The following MAP4 variants were observed in gnomAD, a reference collection of about 807,000 sequenced individuals.
MAP4 encodes microtubule associated protein 4.
MAP4 carries 76 observed loss-of-function variants against 170.2 expected under a neutral mutation model. That is an observed-to-expected ratio of 0.45 (90% CI 0.37 to 0.54). MAP4 has a LOEUF of 0.54. MAP4 is among the 20% of genes least tolerant of loss of function. The probability of loss-of-function intolerance (pLI) is 0.00; values close to 1 mark genes in which losing one functional copy is unlikely to be tolerated. For missense variants in MAP4, 2,506 were observed against 2,748.0 expected, an observed-to-expected ratio of 0.91 and a Z score of 1.97; for synonymous variants, 909 against 994.5, an observed-to-expected ratio of 0.91 and a Z score of 1.62.
intron 1 of MAP4, among the ~76,000 whole-genome samples, chr3:48,024,029 G>A (rs1043160839): frequency 6.6e-6 from 1 of 152,140 alleles, no homozygotes; most frequent in Non-Finnish European, 1.5e-5. Flanking sequence ...ATCAAAAAAT[G>A]GGCCAGGTGC....
chr3:47,974,297 C>T, intron 3 of MAP4: 2 of 316,150 alleles, frequency 6.3e-6, no homozygotes, highest in Non-Finnish European at 9.2e-6. Flanking sequence ...TGGTGGCGCA[C>T]ACCTATAATC....
intron 1 of MAP4, among the ~76,000 whole-genome samples, chr3:48,072,301 C>T (rs887601402): frequency 3.9e-5 from 6 of 151,992 alleles, no homozygotes; most frequent in African/African-American, 9.7e-5. Flanking sequence ...TGAGGTCAGG[C>T]ATTCACAAGA....
intron 1 of MAP4, among the ~76,000 whole-genome samples, chr3:48,063,878 T>G (rs2154560514): frequency 6.6e-6 from 1 of 152,240 alleles, no homozygotes; most frequent in East Asian, 1.9e-4. Context: ...GTACAGGGGA[T>G]TTTTAGGGCA....
intron 1 of MAP4, among the ~76,000 whole-genome samples, chr3:48,002,247 G>A (rs4858810): frequency 0.74 from 106,697 of 144,660 alleles, 39,280 homozygotes; most frequent in African/African-American, 0.85. Context: ...GTCTCAAAAA[G>A]AAAAAAAAAA....
chr3:48,045,205 C>T (rs575717362), intron 1 of MAP4, among the ~76,000 whole-genome samples: 1 of 149,590 alleles, frequency 6.7e-6, no homozygotes, highest in East Asian at 1.9e-4. Flanking sequence ...TTGCAGTGAG[C>T]CGAGATCGCA....
intron 1 of MAP4, among the ~76,000 whole-genome samples, chr3:48,043,016 G>A (rs966871601): frequency 1.3e-5 from 2 of 152,114 alleles, no homozygotes; most frequent in Admixed American, 6.5e-5. Context: ...TTTCTTTTGG[G>A]GGTCATGAAA....
At chr3:47,919,076 C>G (rs1351580016) in intron 5 of MAP4, among the ~76,000 whole-genome samples, 1 of 151,566 alleles carries the variant, frequency 6.6e-6, no homozygotes, top group African/African-American at 2.4e-5. Flanking sequence ...GGACTACAGG[C>G]GCCTGCCACA....
intron 3 of MAP4, among the ~76,000 whole-genome samples, chr3:47,948,014 T>G (rs77158451): frequency 6.6e-6 from 1 of 151,474 alleles, no homozygotes; most frequent in Non-Finnish European, 1.5e-5. Context: ...TTTTTTTTTT[T>G]GTCATGGAGT....
chr3:48,014,036 A>G (rs1218946310), intron 1 of MAP4, among the ~76,000 whole-genome samples: 1 of 152,184 alleles, frequency 6.6e-6, no homozygotes, highest in Admixed American at 6.5e-5. Context: ...CATGATGATA[A>G]AATACTCTCT....
In MAP4 at chr3:47,916,865, C is replaced by A; in HGVS notation, c.962G>T (p.Arg321Ile). ...EKEVALVKDV[R>I]WPTETDVSSA... ...AGATACATCTGTTTCTGTGGGCCATCTGACATCCTTAACCAGGGCCACTTC... is the reference window on the plus strand; with the variant it reads ...AGATACATCTGTTTCTGTGGGCCATATGACATCCTTAACCAGGGCCACTTC... The change falls in exon 7 of 21, where the codon AGA becomes ATA. Residue 321 changes from arginine (R) to isoleucine (I), a missense_variant. Arg to Ile is a moderately conservative substitution (Grantham distance 97). Around this residue, in one of 3 missense-constraint regions of MAP4, gnomAD observed 2,008 missense variants for 2,206.0 expected, o/e 0.91. Transcript: ENST00000683076. 2 of 1,614,206 alleles carry A rather than the reference C, an allele frequency of 1.2e-6. No individual in the cohort carries two copies. The highest frequency in any genetic ancestry group is 1.7e-6 in the Non-Finnish European group (2 of 1,180,038).
intron 17 of MAP4, among the ~76,000 whole-genome samples, chr3:47,865,428 C>A (rs2151457604): frequency 6.6e-6 from 1 of 152,278 alleles, no homozygotes; most frequent in African/African-American, 2.4e-5. Flanking sequence ...TCTGGTCAAG[C>A]AATTCCACCC....
chr3:48,030,216 C>T (rs1177732973), intron 1 of MAP4, among the ~76,000 whole-genome samples: 1 of 150,984 alleles, frequency 6.6e-6, no homozygotes, highest in Non-Finnish European at 1.5e-5. Context: ...CAGTGAGACC[C>T]TGTCTCAATT....
At chr3:47,853,014 G>A (rs1315497576) in intron 20 of MAP4, 76 bp from the exon 21 acceptor site, 10 of 1,614,240 alleles carry the variant, frequency 6.2e-6, no homozygotes, top group East Asian at 2.2e-5. Context: ...GACGGAAGAC[G>A]AGACCAGAAT....
In MAP4 at chr3:48,046,911, G is replaced by A. The variant is rs184928807; in HGVS notation, c.-20+41862C>T. 5.3e-3 allele frequency among the ~76,000 whole-genome samples: 813 copies of A among 152,006 alleles called. 6 individuals are homozygous for A. The highest frequency in any genetic ancestry group is 0.024 in the Middle Eastern group (7 of 294). ...AGATCGAGACCATCCTGGTTAACACGGTTAAACCCCGTCTCTACTAAAAAT... is the reference window on the plus strand; with the variant it reads ...AGATCGAGACCATCCTGGTTAACACAGTTAAACCCCGTCTCTACTAAAAAT... On this transcript the variant is annotated intron_variant, in intron 1 of 18. Coordinates refer to the MAP4 transcript ENST00000360240.
intron 11 of MAP4, among the ~76,000 whole-genome samples, chr3:47,876,241 C>T (rs2095401857): frequency 6.6e-6 from 1 of 151,242 alleles, no homozygotes; most frequent in Non-Finnish European, 1.5e-5. Flanking sequence ...AAGCGATTCT[C>T]CTGCCTCAGC....
chr3:48,030,005 ATATAT>A (rs1364198777), intron 1 of MAP4, among the ~76,000 whole-genome samples: 69 of 147,440 alleles, frequency 4.7e-4, no homozygotes, highest in African/African-American at 1.3e-3. Flanking sequence ...AAAAATATAT[ATATAT>A]AATATATGTA....
intron 10 of MAP4, chr3:47,891,505 A>G: frequency 6.6e-7 from 1 of 1,515,818 alleles, no homozygotes; most frequent in Non-Finnish European, 8.8e-7. Context: ...GCAGGCCAGA[A>G]GAAGGCTCTT....
intron 1 of MAP4, among the ~76,000 whole-genome samples, chr3:48,083,732 CTTTTTTT>C (rs909350613): frequency 3.5e-5 from 5 of 143,586 alleles, no homozygotes; most frequent in African/African-American, 1.3e-4. Flanking sequence ...GTAAGATTAA[CTTTTTTT>C]TTTTGAGATG....
At chr3:48,023,240 G>C (rs1454939500) in intron 1 of MAP4, among the ~76,000 whole-genome samples, 4 of 152,052 alleles carry the variant, frequency 2.6e-5, no homozygotes. Flanking sequence ...CCAAACATAA[G>C]GCAAACTGAA....
Sources: gnomAD v4.1 joint callset for allele counts (sites outside exome capture counted in the v4.1 genomes callset) on GRCh38, gnomAD v4.1.1 for gene constraint, gnomAD v4.1.1 regional missense constraint, MANE v1.5 for transcripts, NCBI Gene and HGNC (gene_info 2026-07-23, HGNC 2026-07-21) for gene names.